Variants in CLMN observed in about 807,000 individuals in gnomAD.
CLMN encodes the protein calmin.
CLMN carries 57 observed loss-of-function variants against 92.7 expected under a neutral mutation model. The observed-to-expected ratio is 0.61, with a 90% CI of 0.50 to 0.77. The LOEUF is 0.77. Ranked by LOEUF, CLMN falls within the 30% of genes least tolerant of loss-of-function variation. The pLI is 0.00. For synonymous variants in CLMN, 466 were observed against 470.6 expected, an observed-to-expected ratio of 0.99 and a Z score of 0.13; for missense variants, 1,158 against 1,237.5, an observed-to-expected ratio of 0.94 and a Z score of 0.96.
intron 1 of CLMN, among the ~76,000 whole-genome samples, chr14:95,292,894 C>T (rs1295177133): frequency 6.6e-6 from 1 of 152,112 alleles, no homozygotes; most frequent in Non-Finnish European, 1.5e-5. Context: ...AATTGCACCC[C>T]AGCACATCCA....
At chr14:95,231,663 C>T (rs2140636958) in intron 1 of CLMN, among the ~76,000 whole-genome samples, 1 of 152,308 alleles carries the variant, frequency 6.6e-6, no homozygotes, top group East Asian at 1.9e-4. Flanking sequence ...CAGAATGCAG[C>T]TCAGAGAGGT....
chr14:95,199,003 A>C (rs1896802068), intron 9 of CLMN: 1 of 152,228 alleles, frequency 6.6e-6, no homozygotes, highest in Non-Finnish European at 1.5e-5. Context: ...CTGGGGGAAG[A>C]GGGGGAAGAT....
intron 1 of CLMN, among the ~76,000 whole-genome samples, chr14:95,236,499 C>A (rs1898062126): frequency 6.6e-6 from 1 of 152,254 alleles, no homozygotes; most frequent in South Asian, 2.1e-4. Flanking sequence ...ATTGCCACGA[C>A]TGAGGGGGAG....
At chr14:95,269,803 T>G (rs1899633271) in intron 1 of CLMN, among the ~76,000 whole-genome samples, 1 of 152,178 alleles carries the variant, frequency 6.6e-6, no homozygotes, top group South Asian at 2.1e-4. Context: ...TGATGAATTC[T>G]GGACACTGGA....
At chr14:95,223,252 G>A (rs1897604605) in intron 3 of CLMN, among the ~76,000 whole-genome samples, 1 of 152,192 alleles carries the variant, frequency 6.6e-6, no homozygotes, top group Admixed American at 6.5e-5. Context: ...TCTGTGAAGA[G>A]AACAAGGGCC....
intron 1 of CLMN, among the ~76,000 whole-genome samples, chr14:95,292,787 A>T (rs1216062593): frequency 6.6e-6 from 1 of 151,970 alleles, no homozygotes; most frequent in Non-Finnish European, 1.5e-5. Context: ...TTAAATTAAC[A>T]TGAACCAGCT....
intron 4 of CLMN, among the ~76,000 whole-genome samples, chr14:95,216,229 A>T (rs1897341086): frequency 6.6e-6 from 1 of 152,230 alleles, no homozygotes; most frequent in South Asian, 2.1e-4. Context: ...TTATAAAACC[A>T]TCAGCTCTCA....
At chr14:95,223,503 G>C (rs1897612771) in intron 3 of CLMN, among the ~76,000 whole-genome samples, 1 of 151,924 alleles carries the variant, frequency 6.6e-6, no homozygotes, top group Non-Finnish European at 1.5e-5. Flanking sequence ...TAACTGTTTA[G>C]TTCTAATCTT....
At chr14:95,311,799 C>G (rs1264734972) in intron 1 of CLMN, among the ~76,000 whole-genome samples, 1 of 152,144 alleles carries the variant, frequency 6.6e-6, no homozygotes. Flanking sequence ...GACAGATTTT[C>G]CTCTGTACCC....
Position 95,254,847 on chromosome 14 carries a change from T to A in CLMN, c.83-24714A>T, listed in dbSNP as rs373529733. 2.3e-4 allele frequency among the ~76,000 whole-genome samples: 35 copies of A among 152,300 alleles called. No individual in the cohort carries two copies. In the South Asian group the frequency reaches 4.8e-3, roughly 21 times the overall value. On this transcript the variant is annotated intron_variant, in intron 1 of 12. Transcript: ENST00000298912. The stretch of plus-strand genomic sequence containing the variant: ...CCCAGTAGCCAGGTGTGTGCCACTA[T>A]GCCTGGCTAATTTAAAATAGTTTCT...
At position 95,221,627 on chromosome 14, in the gene CLMN, T is replaced by C. The variant is rs957320930; in HGVS notation, c.324+64A>G. On this transcript the variant is annotated intron_variant, in intron 4 of 12. Transcript: ENST00000298912. ...CTTCTCTTGCGACCAGCACTGAACTTCAAATGACGTCCTTTTCCTAACAGG... is the reference window on the plus strand; with the variant it reads ...CTTCTCTTGCGACCAGCACTGAACTCCAAATGACGTCCTTTTCCTAACAGG... 28 of 1,457,140 alleles carry C rather than the reference T, an allele frequency of 1.9e-5. No individual in the cohort carries two copies. In the East Asian group the frequency reaches 4.1e-4, roughly 21 times the overall value. The allele number at this position is 1,457,140 out of a possible 1,614,324, so 90.3% of individuals were successfully genotyped here.
intron 1 of CLMN, among the ~76,000 whole-genome samples, chr14:95,245,237 A>T (rs1255475962): frequency 1.3e-4 from 4 of 31,262 alleles, no homozygotes; most frequent in Admixed American, 1.0e-3. Flanking sequence ...ATATATATAT[A>T]TTATATATAT....
intron 1 of CLMN, among the ~76,000 whole-genome samples, chr14:95,292,706 C>G (rs775471550): frequency 1.3e-5 from 2 of 152,046 alleles, no homozygotes; most frequent in Non-Finnish European, 2.9e-5. Flanking sequence ...TGCTTGTGCC[C>G]CCACTAAAAA....
chr14:95,295,822 T>A (rs976173581), intron 1 of CLMN, among the ~76,000 whole-genome samples: 4 of 152,230 alleles, frequency 2.6e-5, no homozygotes, highest in African/African-American at 9.6e-5. Context: ...CAAAGTAATG[T>A]GCACCCAACT....
intron 1 of CLMN, among the ~76,000 whole-genome samples, chr14:95,293,664 G>A (rs886945849): frequency 4.8e-4 from 73 of 151,972 alleles, no homozygotes; most frequent in Middle Eastern, 3.4e-3. Context: ...TGGGTGTACT[G>A]CGCCCCCTGT....
At chr14:95,211,913 A>G (rs1337997626) in intron 6 of CLMN, among the ~76,000 whole-genome samples, 13 of 152,182 alleles carry the variant, frequency 8.5e-5, no homozygotes, top group Admixed American at 8.5e-4. Context: ...GTACAGATTA[A>G]TGTAACCACC....
At chr14:95,240,104 T>C (rs938314984) in intron 1 of CLMN, among the ~76,000 whole-genome samples, 2 of 152,200 alleles carry the variant, frequency 1.3e-5, no homozygotes, top group Admixed American at 1.3e-4. Flanking sequence ...GGCTGTACCA[T>C]CCAGTTTTGT....
chr14:95,211,987 C>T (rs534692933), intron 6 of CLMN, among the ~76,000 whole-genome samples: 1 of 152,226 alleles, frequency 6.6e-6, no homozygotes. Context: ...ATCACACCCC[C>T]CTTCTACCCT....
At chr14:95,211,477 T>C (rs1028973834) in intron 6 of CLMN, among the ~76,000 whole-genome samples, 5 of 152,166 alleles carry the variant, frequency 3.3e-5, no homozygotes, top group Non-Finnish European at 7.4e-5. Context: ...AGCACCATTG[T>C]AAAAGTGAGG....
Sources: gnomAD v4.1 joint callset for allele counts (sites outside exome capture counted in the v4.1 genomes callset) on GRCh38, gnomAD v4.1.1 for gene constraint, MANE v1.5 for transcripts, NCBI Gene and HGNC (gene_info 2026-07-23, HGNC 2026-07-21) for gene names.